PRTG: variants seen among roughly 807,000 people sequenced by gnomAD.
PRTG encodes immunoglobulin superfamily, DCC subclass, member 5.
A neutral mutation model predicts 122.5 loss-of-function variants in PRTG; 67 were observed. The ratio of observed to expected loss-of-function variants is 0.55; its 90% CI spans 0.45 to 0.67. PRTG has a LOEUF of 0.67. PRTG is among the 30% of genes least tolerant of loss of function. PRTG has a pLI of 0.00. For synonymous variants in PRTG, 554 were observed against 501.1 expected, an observed-to-expected ratio of 1.11 and a Z score of -1.41; for missense variants, 1,435 against 1,415.4, an observed-to-expected ratio of 1.01 and a Z score of -0.22.
chr15:55,656,937 G>A (rs147783263), intron 11 of PRTG, among the ~76,000 whole-genome samples: 2,611 of 152,292 alleles, frequency 0.017, 89 homozygotes, highest in African/African-American at 0.06. Flanking sequence ...ATACCAGCAA[G>A]CTGTCAGACT....
chr15:55,647,409 C>T (rs562953337), intron 11 of PRTG, among the ~76,000 whole-genome samples: 9 of 152,306 alleles, frequency 5.9e-5, no homozygotes, highest in East Asian at 1.9e-4. Context: ...ACTAGAAAGA[C>T]GCAAATTTTA....
chr15:55,723,994 G>A (rs1239095684), intron 2 of PRTG, among the ~76,000 whole-genome samples: 2 of 151,908 alleles, frequency 1.3e-5, no homozygotes, highest in African/African-American at 2.4e-5. Context: ...CTCATGATCC[G>A]CCTGCCTCGG....
intron 2 of PRTG, among the ~76,000 whole-genome samples, chr15:55,697,158 T>C (rs1386425912): frequency 6.6e-6 from 1 of 152,212 alleles, no homozygotes; most frequent in East Asian, 1.9e-4. Flanking sequence ...TTCAAGTTCC[T>C]CCTGACCACT....
chr15:55,705,482 G>A (rs2030065476), intron 2 of PRTG, among the ~76,000 whole-genome samples: 1 of 152,120 alleles, frequency 6.6e-6, no homozygotes, highest in Non-Finnish European at 1.5e-5. Context: ...TTTTGTGAGA[G>A]AGGGTCTCGC....
intron 2 of PRTG, among the ~76,000 whole-genome samples, chr15:55,709,917 T>C (rs1455621109): frequency 6.6e-6 from 1 of 152,208 alleles, no homozygotes; most frequent in Admixed American, 6.5e-5. Flanking sequence ...GTTCTCATTG[T>C]GGTGATGGTT....
intron 11 of PRTG, 58 bp downstream of exon 11, chr15:55,672,387 T>C: frequency 7.2e-7 from 1 of 1,392,082 alleles, no homozygotes. Flanking sequence ...CAATAACTTT[T>C]TTCGCAGTTT....
chr15:55,651,573 C>T lies in PRTG; in HGVS notation c.2042-10365G>A, dbSNP rs141965544. 7.4e-3 allele frequency among the ~76,000 whole-genome samples: 1,129 copies of T among 152,254 alleles called. 7 individuals are homozygous for T. The highest frequency in any genetic ancestry group is 0.01 in the Non-Finnish European group (684 of 68,004). On this transcript the variant is annotated intron_variant, in intron 11 of 19. Transcript: ENST00000389286. Reference sequence around the variant, plus strand: ...AAAACCGATGGACATCAAATTCAAACTTTATGGACTCTTTGTTGTAATACT... The same window carrying T: ...AAAACCGATGGACATCAAATTCAAATTTTATGGACTCTTTGTTGTAATACT...
At chr15:55,690,059 T>C (rs1014551) in intron 2 of PRTG, among the ~76,000 whole-genome samples, 26,124 of 152,190 alleles carry the variant, frequency 0.17, 2,790 homozygotes, top group East Asian at 0.32. Flanking sequence ...ATTAAAGATA[T>C]ACAGTATAAC....
At chr15:55,639,256 C>G (rs903648239) in intron 13 of PRTG, among the ~76,000 whole-genome samples, 15 of 152,070 alleles carry the variant, frequency 9.9e-5, no homozygotes, top group Non-Finnish European at 2.2e-4. Flanking sequence ...TTTAGAGCAC[C>G]GTGATGGGCA....
chr15:55,738,021 TATATACACACAC>T (rs1198450513), intron 2 of PRTG, among the ~76,000 whole-genome samples: 3 of 102,908 alleles, frequency 2.9e-5, no homozygotes, highest in Non-Finnish European at 4.0e-5. Context: ...TATATATATA[TATATACACACAC>T]ACACACACAC....
Position 55,637,333 on chromosome 15 carries a change from TG to T in PRTG, c.2459del (p.Ala820GlufsTer7). 1 of 1,611,712 alleles carries T rather than the reference TG, an allele frequency of 6.2e-7. No homozygotes were observed. The highest frequency in any genetic ancestry group is 8.5e-7 in the Non-Finnish European group (1 of 1,179,098). Reference sequence around the variant, plus strand: ...TCACTTTTACTCCAACTGGTGGGCCTGCTGGTGCTGTGCAGACACAACAAAA... The same window carrying T: ...TCACTTTTACTCCAACTGGTGGGCCTCTGGTGCTGTGCAGACACAACAAAA... Reference protein sequence around the residue: ...VYHSTLPEAPAGPPVGVKVTL... With the variant: ...VYHSTLPEAPXGPPVGVKVTL... On this transcript the variant is annotated frameshift_variant, in exon 15 of 20. Transcript: ENST00000389286. LOFTEE classifies it high-confidence loss of function.
At chr15:55,677,764 T>A in intron 8 of PRTG, 33 bp downstream of exon 8, 1 of 1,599,360 alleles carries the variant, frequency 6.3e-7, no homozygotes. Context: ...TAGCAAGGAG[T>A]ACTTAAAAAT....
intron 2 of PRTG, among the ~76,000 whole-genome samples, chr15:55,726,455 A>G (rs1304417613): frequency 6.6e-6 from 1 of 152,142 alleles, no homozygotes; most frequent in Non-Finnish European, 1.5e-5. Context: ...AGTAACCAAG[A>G]GAGCTGGGGA....
chr15:55,734,400 T>C (rs1388290949), intron 2 of PRTG, among the ~76,000 whole-genome samples: 7 of 152,174 alleles, frequency 4.6e-5, no homozygotes, highest in African/African-American at 1.4e-4. Flanking sequence ...GCTGTCACAC[T>C]GTTCTAGCTA....
At chr15:55,651,478 T>G (rs1379696197) in intron 11 of PRTG, among the ~76,000 whole-genome samples, 1 of 152,136 alleles carries the variant, frequency 6.6e-6, no homozygotes, top group Non-Finnish European at 1.5e-5. Context: ...GTAGGAAGCT[T>G]CTATACCATA....
intron 11 of PRTG, among the ~76,000 whole-genome samples, chr15:55,665,217 G>A (rs1039450749): frequency 1.3e-5 from 2 of 151,906 alleles, no homozygotes; most frequent in Admixed American, 6.6e-5. Flanking sequence ...CCGAGATCGC[G>A]CCCCTGCACT....
chr15:55,613,437 G>A lies in PRTG; in HGVS notation c.*6575C>T, dbSNP rs2059129213. On this transcript the variant is annotated 3_prime_UTR_variant, in exon 20 of 20. Transcript: ENST00000389286. ...GACATTGTCGAATAAGGAAATGCTT[G>A]ACTAGAAAAGGACTCTAGAAACCAT... 1 of 152,034 alleles carries A rather than the reference G, an allele frequency of 6.6e-6. No homozygotes were observed. Among genetic ancestry groups the A allele is most frequent in the Admixed American group, 6.6e-5 (1 of 15,256 alleles). The allele number at this position is 152,034 out of a possible 1,614,324, so 9.4% of individuals were successfully genotyped here.
intron 2 of PRTG, among the ~76,000 whole-genome samples, chr15:55,712,544 CATG>C (rs1462740896): frequency 6.6e-6 from 1 of 152,168 alleles, no homozygotes; most frequent in Admixed American, 6.5e-5. Context: ...AATAATGGTG[CATG>C]ATCTGGTTAT....
intron 2 of PRTG, among the ~76,000 whole-genome samples, chr15:55,725,990 C>G (rs2031017121): frequency 6.6e-6 from 1 of 152,148 alleles, no homozygotes; most frequent in African/African-American, 2.4e-5. Context: ...TGTTGCGAGG[C>G]TGGAGTGCAG....
Sources: gnomAD v4.1 joint callset for allele counts (sites outside exome capture counted in the v4.1 genomes callset) on GRCh38, gnomAD v4.1.1 for gene constraint, MANE v1.5 for transcripts, NCBI Gene and HGNC (gene_info 2026-07-23, HGNC 2026-07-21) for gene names.